The following CXADR variants were observed in gnomAD, a reference collection of about 807,000 sequenced individuals.
CXADR encodes coxsackievirus and adenovirus receptor.
A neutral mutation model predicts 40.3 loss-of-function variants in CXADR; 20 were observed. The ratio of observed to expected loss-of-function variants is 0.50; its 90% confidence interval spans 0.35 to 0.72. The LOEUF (loss-of-function observed/expected upper bound fraction) is 0.72, where lower values mean the gene tolerates loss of function less well. CXADR is among the 30% of genes least tolerant of loss of function. CXADR has a pLI of 0.01. For synonymous variants in CXADR, 150 were observed against 161.3 expected, an observed-to-expected ratio of 0.93 and a Z score of 0.53; for missense variants, 332 against 449.1, an observed-to-expected ratio of 0.74 and a Z score of 2.36.
chr21:17,570,641 A>G (rs2061270510), downstream of CXADR, among the ~76,000 whole-genome samples: 1 of 152,172 alleles, frequency 6.6e-6, no homozygotes, highest in Non-Finnish European at 1.5e-5. Context: ...GGGGCCCCAC[A>G]TCTGAGTGCT....
chr21:17,615,171 TG>T, the CXADR span, among the ~76,000 whole-genome samples: 39 of 152,274 alleles, frequency 2.6e-4, no homozygotes, highest in Admixed American at 2.4e-3. Context: ...ATGAGAGAGA[TG>T]ATCACTCTGT....
the CXADR span, among the ~76,000 whole-genome samples, chr21:17,608,192 C>G: frequency 6.6e-6 from 1 of 152,114 alleles, no homozygotes; most frequent in East Asian, 1.9e-4. Flanking sequence ...ACAGCAAGAT[C>G]CCATCTATAC....
At chr21:17,559,863 G>A (rs182416) in intron 4 of CXADR, among the ~76,000 whole-genome samples, 1 of 151,266 alleles carries the variant, frequency 6.6e-6, no homozygotes, top group African/African-American at 2.4e-5. Context: ...ATTTTTTGTA[G>A]ACATGGAGTT....
In CXADR at chr21:17,567,567, C is replaced by T; in HGVS notation, c.*1875C>T. 2.0e-6 allele frequency: 2 copies of T among 985,106 alleles called. No homozygotes were observed. The highest frequency in any genetic ancestry group is 2.4e-6 in the Non-Finnish European group (2 of 829,682). The allele number at this position is 985,106 out of a possible 1,614,324, so 61.0% of individuals were successfully genotyped here. Reference sequence around the variant, plus strand: ...TTTTCAAGCTTGCCTCTTTTCTGTTCTTTGTGGATATAACTTAAGCAATTG... The same window carrying T: ...TTTTCAAGCTTGCCTCTTTTCTGTTTTTTGTGGATATAACTTAAGCAATTG... On this transcript the variant is annotated 3_prime_UTR_variant, in exon 7 of 7. Coordinates refer to ENST00000284878, the MANE Select transcript of CXADR (RefSeq NM_001338.5).
the CXADR span, chr21:17,604,876 A>G: frequency 2.5e-6 from 4 of 1,613,830 alleles, no homozygotes; most frequent in East Asian, 4.5e-5. Flanking sequence ...CACACCTCAC[A>G]TGGGTCCACC....
At chr21:17,625,259 A>C in the CXADR span, among the ~76,000 whole-genome samples, 1 of 151,946 alleles carries the variant, frequency 6.6e-6, no homozygotes, top group East Asian at 1.9e-4. Flanking sequence ...TAGGAATACC[A>C]TTAGTTTGTC....
In CXADR at chr21:17,566,652, C is replaced by G; in HGVS notation, c.*960C>G. The stretch of plus-strand genomic sequence containing the variant: ...CTAAATTTTAAGTGGTTCTTTGGTT[C>G]CAGTGCTTTATGTTGTTGTTGTTTT... On this transcript the variant is annotated 3_prime_UTR_variant, in exon 7 of 7. Coordinates refer to ENST00000284878, the MANE Select transcript of CXADR (RefSeq NM_001338.5). 2.0e-6 allele frequency: 2 copies of G among 984,548 alleles called. No individual in the cohort carries two copies. The highest frequency in any genetic ancestry group is 1.2e-6 in the Non-Finnish European group (1 of 829,360). The allele number at this position is 984,548 out of a possible 1,614,324, so 61.0% of individuals were successfully genotyped here.
At chr21:17,624,604 T>A in the CXADR span, among the ~76,000 whole-genome samples, 2 of 152,336 alleles carry the variant, frequency 1.3e-5, no homozygotes, top group South Asian at 4.1e-4. Flanking sequence ...CTCATGTGAC[T>A]CTATTGGACC....
rs2061119346 is a variant in CXADR at position 17,561,441 on chromosome 21, A to C, written c.798A>C (p.Glu266Asp). 1 of 1,611,432 alleles carries C rather than the reference A, an allele frequency of 6.2e-7. No homozygotes were observed. Among genetic ancestry groups the C allele is most frequent in the African/African-American group, 1.3e-5 (1 of 74,830 alleles). The change falls in exon 6 of 7, where the codon GAA becomes GAC. Residue 266 changes from glutamate to aspartate, a missense_variant. Physicochemically the swap from Glu to Asp is conservative, Grantham distance 45. This residue lies in a region of CXADR where 150 missense variants were observed against 194.2 expected (regional missense o/e 0.77). Transcript: ENST00000284878. ...TTTGCTGTCGTAAAAAGCGCAGAGAAGAAAAATATGAAAAGGAAGTTCATC... is the reference window on the plus strand; with the variant it reads ...TTTGCTGTCGTAAAAAGCGCAGAGACGAAAAATATGAAAAGGAAGTTCATC... Reference protein sequence around the residue: ...IIFCCRKKRREEKYEKEVHHD... With the variant: ...IIFCCRKKRRDEKYEKEVHHD...
the CXADR span, among the ~76,000 whole-genome samples, chr21:17,606,245 T>C: frequency 2.0e-5 from 3 of 152,176 alleles, no homozygotes; most frequent in East Asian, 3.9e-4. Context: ...CAGAGAGAGT[T>C]TGAGTAACTT....
chr21:17,622,912 A>G, the CXADR span, among the ~76,000 whole-genome samples: 1 of 152,218 alleles, frequency 6.6e-6, no homozygotes, highest in Non-Finnish European at 1.5e-5. Flanking sequence ...GTCCTTCAAT[A>G]TGGGTGTGTA....
chr21:17,610,927 TAC>T, the CXADR span, among the ~76,000 whole-genome samples: 682 of 152,060 alleles, frequency 4.5e-3, 24 homozygotes, highest in East Asian at 0.08. Context: ...AAATAAATTC[TAC>T]ACAGTTATCT....
At chr21:17,635,264 T>A in the CXADR span, among the ~76,000 whole-genome samples, 1 of 152,216 alleles carries the variant, frequency 6.6e-6, no homozygotes, top group African/African-American at 2.4e-5. Context: ...AGGTTCCCAG[T>A]TCAGTACATC....
chr21:17,564,317 CTA>C (rs2061171438), intron 6 of CXADR, among the ~76,000 whole-genome samples: 1 of 141,020 alleles, frequency 7.1e-6, no homozygotes, highest in African/African-American at 2.6e-5. Flanking sequence ...CAAGATGTCT[CTA>C]TTAAAAAAAA....
chr21:17,587,073 ATT>A (rs1429344347), intron 7 of CXADR, among the ~76,000 whole-genome samples: 1 of 152,056 alleles, frequency 6.6e-6, no homozygotes, highest in African/African-American at 2.4e-5. Flanking sequence ...TGAACTCATC[ATT>A]TTTTATGGCT....
At chr21:17,558,061 G>A (rs1347204948) in intron 3 of CXADR, among the ~76,000 whole-genome samples, 3 of 148,556 alleles carry the variant, frequency 2.0e-5, no homozygotes, top group Non-Finnish European at 4.4e-5. Context: ...AGAAACACCT[G>A]GAATATAACC....
At chr21:17,561,302 G>A (rs1420097572) in intron 5 of CXADR, 36 bp from the exon 6 acceptor site, 1 of 1,266,138 alleles carries the variant, frequency 7.9e-7, no homozygotes, top group African/African-American at 1.5e-5. Context: ...ATGTATATAT[G>A]TATATATTTT....
intron 7 of CXADR, among the ~76,000 whole-genome samples, chr21:17,583,133 A>G (rs1173110120): frequency 6.6e-6 from 1 of 152,234 alleles, no homozygotes; most frequent in Non-Finnish European, 1.5e-5. Context: ...ACGAGAGAAC[A>G]CAAAGTAAAA....
chr21:17,524,172 G>T lies in CXADR; in HGVS notation c.43+11000G>T, dbSNP rs146430426. 3.3e-3 allele frequency among the ~76,000 whole-genome samples: 495 copies of T among 151,652 alleles called. 15 individuals carry two copies. Among genetic ancestry groups the T allele is most frequent in the Admixed American group, 0.029 (435 of 15,210 alleles). The stretch of plus-strand genomic sequence containing the variant: ...GCCTCCCAAAGTGCTGGGATTACAC[G>T]TGTGAGCCACTGTGCCTGGCCTACA... On this transcript the variant is annotated intron_variant, in intron 1 of 6. Transcript: ENST00000284878.
Sources: allele counts gnomAD v4.1 joint callset (sites outside exome capture counted in the v4.1 genomes callset), GRCh38; gene constraint gnomAD v4.1.1; regional missense constraint gnomAD v4.1.1; transcripts MANE v1.5; gene names NCBI Gene and HGNC (gene_info 2026-07-23, HGNC 2026-07-21).